ASXL1: variants seen among roughly 807,000 people sequenced by gnomAD.
ASXL1 encodes ASXL transcriptional regulator 1, also known as polycomb group protein ASXL1.
A neutral mutation model predicts 89.1 loss-of-function variants in ASXL1; 65 were observed. The ratio of observed to expected loss-of-function variants is 0.73; its 90% CI spans 0.60 to 0.90. The LOEUF is 0.90. ASXL1 is among the 40% of genes least tolerant of loss of function. ASXL1 has a pLI of 0.00. For missense variants in ASXL1, 1,786 were observed against 1,942.9 expected, an observed-to-expected ratio of 0.92 and a Z score of 1.52; for synonymous variants, 739 against 746.9, an observed-to-expected ratio of 0.99 and a Z score of 0.17.
Position 32,436,843 on chromosome 20 carries a change from T to C in ASXL1, c.4131T>C (p.Pro1377=), listed in dbSNP as rs2011934326. The change falls in exon 13 of 13, where the codon CCT becomes CCC. Residue 1377 remains proline, a synonymous_variant. Coordinates refer to ENST00000375687, the MANE Select transcript of ASXL1 (RefSeq NM_015338.6). ...ATGAGAAGACTTTTGTGGGGGGTCCTCTTAAGGCAAATGCCGAGAACAGGA... is the reference window on the plus strand; with the variant it reads ...ATGAGAAGACTTTTGTGGGGGGTCCCCTTAAGGCAAATGCCGAGAACAGGA... ...VKNEKTFVGG[P]LKANAENRKA... 1 of 1,614,152 alleles carries C rather than the reference T, an allele frequency of 6.2e-7. No homozygotes were observed.
chr20:32,376,009 T>TA (rs1330420283), intron 4 of ASXL1, among the ~76,000 whole-genome samples: 3 of 152,060 alleles, frequency 2.0e-5, no homozygotes, highest in Non-Finnish European at 4.4e-5. Flanking sequence ...TAAGGACTAA[T>TA]AAAAATGTAG....
rs1442619113 is a variant in ASXL1, at chr20:32,437,590, C to G, written c.*252C>G. On this transcript the variant is annotated 3_prime_UTR_variant, in exon 13 of 13. Transcript: ENST00000375687. The stretch of plus-strand genomic sequence containing the variant: ...GCCTGAGCTCTCCTGCAAGACAGAG[C>G]CTGATGTGGCACGGAGTGGGGTTGC... 1 of 557,492 alleles carries G rather than the reference C, an allele frequency of 1.8e-6. No individual in the cohort carries two copies. The highest frequency in any genetic ancestry group is 3.2e-5 in the East Asian group (1 of 31,324). The allele number at this position is 557,492 out of a possible 1,614,324, so 34.5% of individuals were successfully genotyped here. A position where few individuals can be genotyped will look rare whatever the true frequency, so the allele number is the denominator to read the frequency against.
intron 4 of ASXL1, among the ~76,000 whole-genome samples, chr20:32,379,129 T>C (rs2048439446): frequency 6.9e-6 from 1 of 145,012 alleles, no homozygotes; most frequent in Admixed American, 7.0e-5. Flanking sequence ...TAAATGGTGA[T>C]TCCAGCACTC....
intron 4 of ASXL1, among the ~76,000 whole-genome samples, chr20:32,370,664 T>C: frequency 6.6e-6 from 1 of 152,200 alleles, no homozygotes. Flanking sequence ...AATAAATACC[T>C]GAACAAATAC....
rs553894123 is a variant in ASXL1 at position 32,411,698 on chromosome 20, C to T, written c.253-16430C>T. Among the ~76,000 whole-genome samples, 16 of 151,964 alleles carry T rather than the reference C, an allele frequency of 1.1e-4. No individual in the cohort carries two copies. In the South Asian group the frequency reaches 3.3e-3, roughly 32 times the overall value. On this transcript the variant is annotated intron_variant, in intron 4 of 12. Transcript: ENST00000375687. The stretch of plus-strand genomic sequence containing the variant: ...CTGGGATTACAGGTTTGTGCCACCA[C>T]ACCCAGCTTTTATATTTTTAGTAGA...
rs146637943 is a variant in ASXL1, at chr20:32,431,610, A to T, written c.910A>T (p.Ser304Cys). ...QVGTDGLLRL[S>C]SSALNNEFFT... ...GGGGACGGATGGCCTGTTGCGTCTC[A>T]GCAGCAGTGCACTAAATAACGAGTT... The change falls in exon 10 of 13, where the codon AGC becomes TGC. Residue 304 changes from serine (S) to cysteine (C), a missense_variant. By Grantham distance (112) the Ser-to-Cys change is moderately radical (BLOSUM62 -1). Around this residue, in one of 3 missense-constraint regions of ASXL1, gnomAD observed 332 missense variants for 449.7 expected, o/e 0.74. Transcript: ENST00000375687. 6.9e-5 allele frequency: 111 copies of T among 1,614,012 alleles called. No homozygotes were observed. Among genetic ancestry groups the T allele is most frequent in the Non-Finnish European group, 8.8e-5 (104 of 1,180,042 alleles).
At position 32,436,246 on chromosome 20, in the gene ASXL1, G is replaced by A. The variant is rs1366421876; in HGVS notation, c.3534G>A (p.Leu1178=). ...TAAGGGCTTTGAAGGAGCCTCTTCT[G>A]CCAGATAGCTGTGAAACAGGCACTG... ...SSLRALKEPL[L]PDSCETGTGL... Residue 1178 remains leucine (L), a synonymous_variant, in exon 13 of 13, where the codon CTG becomes CTA. Transcript: ENST00000375687. 1 of 1,614,222 alleles carries A rather than the reference G, an allele frequency of 6.2e-7. No individual in the cohort carries two copies. Among genetic ancestry groups the A allele is most frequent in the Non-Finnish European group, 8.5e-7 (1 of 1,180,050 alleles).
rs2012047737 is a variant in ASXL1 at position 32,438,366 on chromosome 20, A to C, written c.*1028A>C. 1 of 233,378 alleles carries C rather than the reference A, an allele frequency of 4.3e-6. No individual in the cohort carries two copies. The highest frequency in any genetic ancestry group is 8.5e-6 in the Non-Finnish European group (1 of 117,956). 14.5% of individuals were successfully genotyped at this position (233,378 alleles called of 1,614,324 possible). On this transcript the variant is annotated 3_prime_UTR_variant, in exon 13 of 13. Coordinates refer to ENST00000375687, the MANE Select transcript of ASXL1 (RefSeq NM_015338.6). ...CAGAGAACATGAACGTCTCTTCCTA[A>C]TTTTACATCTTCAGCATCATTGCAT...
At chr20:32,413,329 G>A (rs1447049245) in intron 4 of ASXL1, among the ~76,000 whole-genome samples, 3 of 152,198 alleles carry the variant, frequency 2.0e-5, no homozygotes, top group African/African-American at 7.2e-5. Context: ...GGATGGAAAT[G>A]GAAGGGATGG....
intron 3 of ASXL1, 50 bp from the exon 4 acceptor site, chr20:32,368,965 G>C (rs759416282): frequency 6.0e-6 from 9 of 1,490,972 alleles, no homozygotes; most frequent in Middle Eastern, 1.7e-4. Context: ...AGGTCTTTAA[G>C]TAGGCAGATG....
chr20:32,428,118 G>C lies in ASXL1; in HGVS notation c.253-10G>C, dbSNP rs1245146524. ...GTTTTGTTCACCTGAGTTGTACCTT[G>C]CTGTCACAGAAGGATGCCCTGCAGT... On this transcript the variant is annotated splice_polypyrimidine_tract_variant and intron_variant, in intron 4 of 12. Coordinates refer to ENST00000375687, the MANE Select transcript of ASXL1 (RefSeq NM_015338.6). 6.2e-7 allele frequency: 1 copy of C among 1,612,814 alleles called. No homozygotes were observed. Among genetic ancestry groups the C allele is most frequent in the East Asian group, 2.2e-5 (1 of 44,902 alleles).
intron 4 of ASXL1, among the ~76,000 whole-genome samples, chr20:32,370,965 TAA>T (rs776902032): frequency 0.034 from 2,978 of 87,310 alleles, 97 homozygotes; most frequent in Admixed American, 0.1. Flanking sequence ...TTGTCTCTAT[TAA>T]AAAAAAAAAA....
chr20:32,432,857 A>G (rs771835992), intron 10 of ASXL1, 23 bp from the exon 11 acceptor site: 22 of 1,612,872 alleles, frequency 1.4e-5, no homozygotes, highest in Middle Eastern at 3.3e-4. Flanking sequence ...TGCACTTACT[A>G]GAAGAGGTTT....
intron 4 of ASXL1, among the ~76,000 whole-genome samples, chr20:32,384,363 C>T (rs543260240): frequency 2.6e-5 from 4 of 152,030 alleles, no homozygotes; most frequent in East Asian, 3.9e-4. Flanking sequence ...CCACCATGCC[C>T]GGCTAATTCT....
intron 4 of ASXL1, among the ~76,000 whole-genome samples, chr20:32,386,993 T>C (rs1439924324): frequency 6.6e-6 from 1 of 152,156 alleles, no homozygotes; most frequent in Non-Finnish European, 1.5e-5. Context: ...TATTTAACTT[T>C]ATGTTAGAAA....
At chr20:32,363,027 A>AAG (rs1310146787) in intron 1 of ASXL1, among the ~76,000 whole-genome samples, 1 of 151,866 alleles carries the variant, frequency 6.6e-6, no homozygotes, top group Non-Finnish European at 1.5e-5. Context: ...CCTTTGAAGT[A>AAG]AGAGAAGAGA....
chr20:32,411,051 A>T lies in ASXL1; in HGVS notation c.253-17077A>T, dbSNP rs1313343124. ...TGTCTCAAAAAAAAAAAAAAATAAA[A>T]AAAATAAAAAAAAATTAGTACTCTG... On this transcript the variant is annotated intron_variant, in intron 4 of 12. Coordinates refer to ENST00000375687, the MANE Select transcript of ASXL1 (RefSeq NM_015338.6). Among the ~76,000 whole-genome samples, 47 of 69,380 alleles carry T rather than the reference A, an allele frequency of 6.8e-4. 3 individuals are homozygous for T. The highest frequency in any genetic ancestry group is 6.5e-3 in the East Asian group (3 of 462). The allele number at this position is 69,380 out of a possible 152,430, so 45.5% of individuals were successfully genotyped here.
chr20:32,433,406 A>T lies in ASXL1; in HGVS notation c.1208A>T (p.Gln403Leu), dbSNP rs1454065495. Reference sequence around the variant, plus strand: ...ATACAGCGTGGTCCAGCCACCCGACAGCGAGATGGGCATTTTAAGAAACGC... The same window carrying T: ...ATACAGCGTGGTCCAGCCACCCGACTGCGAGATGGGCATTTTAAGAAACGC... ...VRIQRGPATR[Q>L]RDGHFKKRSR... Residue 403 changes from glutamine (Q) to leucine (L), a missense_variant, in exon 12 of 13, where the codon CAG becomes CTG. This residue lies in a region of ASXL1 where 1,418 missense variants were observed against 1,427.8 expected (regional missense o/e 0.99). Coordinates refer to ENST00000375687, the MANE Select transcript of ASXL1 (RefSeq NM_015338.6). The T allele has an allele frequency of 6.2e-7, 1 of 1,614,174 alleles. No homozygotes were observed. Among genetic ancestry groups the T allele is most frequent in the East Asian group, 2.2e-5 (1 of 44,884 alleles).
At chr20:32,394,007 T>C (rs2048718021) in intron 4 of ASXL1, among the ~76,000 whole-genome samples, 1 of 150,298 alleles carries the variant, frequency 6.7e-6, no homozygotes, top group Admixed American at 6.6e-5. Context: ...TTTTTTTTTT[T>C]TTTTTTTTGG....
Sources: allele counts gnomAD v4.1 joint callset (sites outside exome capture counted in the v4.1 genomes callset), GRCh38; gene constraint gnomAD v4.1.1; regional missense constraint gnomAD v4.1.1; transcripts MANE v1.5; gene names NCBI Gene and HGNC (gene_info 2026-07-23, HGNC 2026-07-21).